Variants in HMGCLL1 observed in about 807,000 individuals in gnomAD.
HMGCLL1 encodes 3-hydroxy-3-methylglutaryl-CoA lyase like 1.
Under a neutral mutation model 39.1 loss-of-function variants are expected in HMGCLL1, and 36 were observed. The observed-to-expected ratio is 0.92, with a 90% confidence interval of 0.71 to 1.22. The LOEUF (loss-of-function observed/expected upper bound fraction) is 1.22. Ranked by LOEUF, HMGCLL1 falls within the 50% of genes most tolerant of loss-of-function variation. The pLI is 0.00. For missense variants in HMGCLL1, 451 were observed against 416.5 expected (o/e 1.08, Z -0.72); for synonymous variants, 149 against 144.0 (o/e 1.03, Z -0.25).
chr6:55,562,452 T>G (rs1445924661), intron 1 of HMGCLL1, among the ~76,000 whole-genome samples: 1 of 152,022 alleles, frequency 6.6e-6, no homozygotes, highest in East Asian at 1.9e-4. Context: ...GCTGAGTACT[T>G]CGAAAAAAAT....
At chr6:55,469,514 T>C (rs1313668839) in intron 7 of HMGCLL1, among the ~76,000 whole-genome samples, 1 of 150,290 alleles carries the variant, frequency 6.7e-6, no homozygotes, top group Admixed American at 6.7e-5. Context: ...TATCTTGATT[T>C]CCTTGATTAT....
At chr6:55,495,682 T>C (rs1213121927) in intron 6 of HMGCLL1, 75 bp from the exon 7 acceptor site, 2 of 1,077,432 alleles carry the variant, frequency 1.9e-6, no homozygotes, top group East Asian at 2.6e-5. Context: ...ACAACTAACA[T>C]CATCTAAAGG....
chr6:55,449,568 A>T (rs1470534536), intron 7 of HMGCLL1, among the ~76,000 whole-genome samples: 1 of 152,220 alleles, frequency 6.6e-6, no homozygotes, highest in East Asian at 1.9e-4. Context: ...TGGAACGGAT[A>T]TACCAATTGA....
At chr6:55,633,288 C>T in the HMGCLL1 span, among the ~76,000 whole-genome samples, 1 of 151,774 alleles carries the variant, frequency 6.6e-6, no homozygotes, top group Admixed American at 6.6e-5. Flanking sequence ...CATGGTCAAG[C>T]ATGCCCTTTA....
At chr6:55,603,574 C>G in the HMGCLL1 span, among the ~76,000 whole-genome samples, 1 of 151,988 alleles carries the variant, frequency 6.6e-6, no homozygotes, top group Non-Finnish European at 1.5e-5. Flanking sequence ...TTTATTCACT[C>G]GAGGATTTGG....
intron 1 of HMGCLL1, among the ~76,000 whole-genome samples, chr6:55,560,578 C>T (rs890480235): frequency 1.3e-5 from 2 of 152,132 alleles, no homozygotes; most frequent in South Asian, 2.1e-4. Context: ...CCCTCCCTCA[C>T]ATCCTAACAC....
the HMGCLL1 span, among the ~76,000 whole-genome samples, chr6:55,627,394 T>C: frequency 3.3e-5 from 5 of 152,078 alleles, no homozygotes; most frequent in Non-Finnish European, 7.4e-5. Flanking sequence ...GTACGGAGGA[T>C]AGTTGTATTA....
chr6:55,478,251 C>T (rs1010548216), intron 7 of HMGCLL1, among the ~76,000 whole-genome samples: 1 of 151,180 alleles, frequency 6.6e-6, no homozygotes, highest in Non-Finnish European at 1.5e-5. Flanking sequence ...TACCTTCTCA[C>T]CTCTCCGTAT....
chr6:55,499,426 T>C (rs1766762263), intron 5 of HMGCLL1, 127 bp from the exon 6 acceptor site: 1 of 619,254 alleles, frequency 1.6e-6, no homozygotes, highest in African/African-American at 1.9e-5. Context: ...TATTATTATT[T>C]TGTCATTGGA....
the HMGCLL1 span, among the ~76,000 whole-genome samples, chr6:55,678,547 T>G: frequency 0.014 from 2,174 of 152,182 alleles, 59 homozygotes; most frequent in African/African-American, 0.05. Flanking sequence ...TCACTGATAT[T>G]GAGCAAGAAA....
the HMGCLL1 span, among the ~76,000 whole-genome samples, chr6:55,672,365 A>G: frequency 6.6e-6 from 1 of 151,838 alleles, no homozygotes; most frequent in Non-Finnish European, 1.5e-5. Flanking sequence ...AAATTTATTT[A>G]TTAAGCTCAA....
the HMGCLL1 span, among the ~76,000 whole-genome samples, chr6:55,640,752 A>G: frequency 1.3e-5 from 2 of 151,466 alleles, no homozygotes; most frequent in Non-Finnish European, 2.9e-5. Context: ...TATATTACAA[A>G]ATTTGTATTT....
At chr6:55,635,137 G>C in the HMGCLL1 span, among the ~76,000 whole-genome samples, 487 of 151,934 alleles carry the variant, frequency 3.2e-3, 7 homozygotes, top group Middle Eastern at 3.4e-3. Context: ...ATTCTCAAGA[G>C]CTCTGAGTAA....
At chr6:55,545,228 A>G (rs1183959658) in intron 1 of HMGCLL1, among the ~76,000 whole-genome samples, 1 of 150,170 alleles carries the variant, frequency 6.7e-6, no homozygotes, top group Non-Finnish European at 1.5e-5. Context: ...AAAAAAAAAA[A>G]GAAGAAAAAG....
At chr6:55,526,028 A>G (rs1227673279) in intron 3 of HMGCLL1, among the ~76,000 whole-genome samples, 1 of 151,906 alleles carries the variant, frequency 6.6e-6, no homozygotes, top group African/African-American at 2.4e-5. Context: ...ACAACCAAGG[A>G]AAGCCTTATA....
At chr6:55,532,779 C>A (rs180894100) in intron 3 of HMGCLL1, among the ~76,000 whole-genome samples, 1 of 149,926 alleles carries the variant, frequency 6.7e-6, no homozygotes, top group Admixed American at 6.7e-5. Flanking sequence ...CTAGCCTGGG[C>A]AACAAAGCAA....
the HMGCLL1 span, among the ~76,000 whole-genome samples, chr6:55,650,102 TA>T: frequency 4.6e-5 from 2 of 43,138 alleles, 1 homozygote; most frequent in South Asian, 1.8e-3. Context: ...TATATATATA[TA>T]TATATATATA....
intron 5 of HMGCLL1, among the ~76,000 whole-genome samples, chr6:55,507,584 ATAT>A (rs1171281787): frequency 1.3e-5 from 2 of 151,840 alleles, no homozygotes; most frequent in African/African-American, 4.8e-5. Context: ...TATGTACAAA[ATAT>A]TATTTTATTC....
At chr6:55,587,790 A>T in the HMGCLL1 span, among the ~76,000 whole-genome samples, 2 of 152,152 alleles carry the variant, frequency 1.3e-5, no homozygotes, top group Non-Finnish European at 2.9e-5. Context: ...ACCAACAAAG[A>T]TCAAAAGAGA....
Sources: allele counts gnomAD v4.1 joint callset (sites outside exome capture counted in the v4.1 genomes callset), GRCh38; gene constraint gnomAD v4.1.1; transcripts MANE v1.5; gene names NCBI Gene and HGNC (gene_info 2026-07-23, HGNC 2026-07-21).